Variants in NELL1 observed in about 807,000 individuals in gnomAD.
The protein encoded by NELL1 is neural EGFL like 1.
A neutral mutation model predicts 107.4 loss-of-function variants in NELL1; 76 were observed. The ratio of observed to expected loss-of-function variants is 0.71; its 90% CI spans 0.59 to 0.86. The LOEUF is 0.86. NELL1 is among the 40% of genes least tolerant of loss of function. NELL1 has a pLI of 0.00. For synonymous variants in NELL1, 353 were observed against 341.2 expected (o/e 1.03, Z -0.38); for missense variants, 1,024 against 1,005.5 (o/e 1.02, Z -0.25).
At chr11:21,139,095 G>A (rs1855806966) in intron 13 of NELL1, among the ~76,000 whole-genome samples, 1 of 152,200 alleles carries the variant, frequency 6.6e-6, no homozygotes, top group Non-Finnish European at 1.5e-5. Flanking sequence ...GAGATGGCTT[G>A]TGAAGAATCA....
At chr11:21,331,195 T>C (rs989641648) in intron 14 of NELL1, among the ~76,000 whole-genome samples, 1 of 152,122 alleles carries the variant, frequency 6.6e-6, no homozygotes, top group African/African-American at 2.4e-5. Context: ...GTCATGTTCA[T>C]ATCTAGTCCT....
At chr11:21,194,874 C>T (rs1405856265) in intron 13 of NELL1, among the ~76,000 whole-genome samples, 2 of 152,096 alleles carry the variant, frequency 1.3e-5, no homozygotes, top group African/African-American at 4.8e-5. Flanking sequence ...CTAGGGCATA[C>T]ACCAACCACT....
intron 12 of NELL1, among the ~76,000 whole-genome samples, chr11:21,084,569 C>T (rs1334235804): frequency 6.6e-6 from 1 of 152,028 alleles, no homozygotes. Context: ...ACTTCTCTGG[C>T]CCTGGGTGAA....
intron 15 of NELL1, among the ~76,000 whole-genome samples, chr11:21,446,521 A>AGGC (rs948543700): frequency 6.6e-6 from 1 of 152,132 alleles, no homozygotes; most frequent in African/African-American, 2.4e-5. Flanking sequence ...CTTGGGTATT[A>AGGC]TAATCTAAGT....
At chr11:21,236,776 G>A (rs1858218048) in intron 14 of NELL1, among the ~76,000 whole-genome samples, 2 of 152,098 alleles carry the variant, frequency 1.3e-5, no homozygotes, top group South Asian at 2.1e-4. Flanking sequence ...TAGGTTTAGA[G>A]CTGGGAGGCA....
rs186567441 is a variant in NELL1 at position 20,989,314 on chromosome 11, G to C, written c.1300+28754G>C. Among the ~76,000 whole-genome samples the C allele has an allele frequency of 8.5e-5, 13 of 152,184 alleles. No homozygotes were observed. The East Asian group carries it at 2.3e-3, about 27-fold the overall frequency. On this transcript the variant is annotated intron_variant, in intron 12 of 19. Coordinates refer to ENST00000357134, the MANE Select transcript of NELL1 (RefSeq NM_006157.5). ...GGTAAGGCAGATGGGCTCCATTCTTGGGTATTAGCATGTTCCCAATTCTGG... is the reference window on the plus strand; with the variant it reads ...GGTAAGGCAGATGGGCTCCATTCTTCGGTATTAGCATGTTCCCAATTCTGG...
chr11:20,868,436 T>C (rs1019675538), intron 4 of NELL1, among the ~76,000 whole-genome samples: 1 of 152,094 alleles, frequency 6.6e-6, no homozygotes, highest in African/African-American at 2.4e-5. Context: ...CTGTTTGGGA[T>C]GATAAAAAGT....
intron 2 of NELL1, among the ~76,000 whole-genome samples, chr11:20,711,203 C>G (rs186311525): frequency 2.2e-4 from 34 of 152,190 alleles, no homozygotes; most frequent in African/African-American, 7.9e-4. Context: ...TGCTGTATCC[C>G]AGAGGTTTTG....
chr11:20,932,324 A>G (rs137992212), intron 9 of NELL1, among the ~76,000 whole-genome samples: 171 of 152,274 alleles, frequency 1.1e-3, no homozygotes, highest in African/African-American at 4.0e-3. Context: ...AGATGGAGAA[A>G]AAAATATTTC....
intron 14 of NELL1, chr11:21,284,092 T>C (rs1343009138): frequency 2.7e-6 from 1 of 375,132 alleles, no homozygotes; most frequent in South Asian, 2.0e-5. Flanking sequence ...AAATTCATAA[T>C]GCCATCATGG....
chr11:20,816,570 AT>A (rs1857627948), intron 3 of NELL1, among the ~76,000 whole-genome samples: 1 of 152,154 alleles, frequency 6.6e-6, no homozygotes, highest in Non-Finnish European at 1.5e-5. Context: ...ATTTCTAGGT[AT>A]GGAATCGTGT....
intron 5 of NELL1, among the ~76,000 whole-genome samples, chr11:20,916,664 G>C (rs890680320): frequency 2.6e-5 from 4 of 151,846 alleles, no homozygotes; most frequent in Non-Finnish European, 4.4e-5. Context: ...AGGAGCCTCT[G>C]TTTTAGCGCT....
At chr11:21,546,382 T>C (rs747410558) in intron 16 of NELL1, among the ~76,000 whole-genome samples, 125 of 152,128 alleles carry the variant, frequency 8.2e-4, no homozygotes, top group Middle Eastern at 6.8e-3. Flanking sequence ...CCAAAGATCA[T>C]GTCTAAACAG....
intron 2 of NELL1, among the ~76,000 whole-genome samples, chr11:20,680,069 CT>C (rs1854152361): frequency 6.6e-6 from 1 of 152,094 alleles, no homozygotes; most frequent in Non-Finnish European, 1.5e-5. Flanking sequence ...TTTTATGGAA[CT>C]TTGACAGAGA....
chr11:20,901,342 T>G (rs566644041), intron 5 of NELL1, among the ~76,000 whole-genome samples: 1 of 152,188 alleles, frequency 6.6e-6, no homozygotes, highest in South Asian at 2.1e-4. Flanking sequence ...AAATATTTTA[T>G]TTATAATATC....
intron 15 of NELL1, among the ~76,000 whole-genome samples, chr11:21,451,152 A>T (rs910164250): frequency 2.1e-5 from 3 of 144,254 alleles, no homozygotes; most frequent in African/African-American, 7.6e-5. Context: ...GCGCCGCTGC[A>T]CTCCAGCCTG....
At chr11:20,841,168 T>G (rs1470531967) in intron 3 of NELL1, among the ~76,000 whole-genome samples, 1 of 152,152 alleles carries the variant, frequency 6.6e-6, no homozygotes, top group Non-Finnish European at 1.5e-5. Context: ...CTCCATGAAG[T>G]CATTTATAGA....
chr11:21,198,678 A>G (rs911212152), intron 13 of NELL1, among the ~76,000 whole-genome samples: 2 of 152,138 alleles, frequency 1.3e-5, no homozygotes, highest in African/African-American at 2.4e-5. Flanking sequence ...CACTGGAGCA[A>G]TGTTCATAGA....
intron 12 of NELL1, among the ~76,000 whole-genome samples, chr11:21,021,018 C>CACACAT (rs1439796876): frequency 1.3e-4 from 19 of 147,056 alleles, no homozygotes; most frequent in South Asian, 2.1e-4. Flanking sequence ...TTAGAACACA[C>CACACAT]ACACACACAC....
Sources: gnomAD v4.1 joint callset for allele counts (sites outside exome capture counted in the v4.1 genomes callset) on GRCh38, gnomAD v4.1.1 for gene constraint, MANE v1.5 for transcripts, NCBI Gene and HGNC (gene_info 2026-07-23, HGNC 2026-07-21) for gene names.